PCLO: variants seen among roughly 807,000 people sequenced by gnomAD.
The protein encoded by PCLO is piccolo presynaptic cytomatrix protein.
In PCLO, 82 loss-of-function variants were observed where a neutral mutation model predicts 427.5. The observed-to-expected ratio is 0.19, with a 90% CI of 0.16 to 0.23. PCLO has a LOEUF of 0.23. Ranked by LOEUF, PCLO falls within the 10% of genes least tolerant of loss-of-function variation. The probability of loss-of-function intolerance (pLI) is 1.00; values close to 1 mark genes in which losing one functional copy is unlikely to be tolerated. For synonymous variants in PCLO, 2,357 were observed against 2,155.4 expected, an observed-to-expected ratio of 1.09 and a Z score of -2.59; for missense variants, 6,239 against 6,115.9, an observed-to-expected ratio of 1.02 and a Z score of -0.67.
rs561084267 is a variant in PCLO at position 83,024,166 on chromosome 7, G to A, written c.3301-57679C>T. Among the ~76,000 whole-genome samples, 73 of 152,336 alleles carry A rather than the reference G, an allele frequency of 4.8e-4. 1 individual carries two copies. Among genetic ancestry groups the A allele is most frequent in the African/African-American group, 1.7e-3 (70 of 41,594 alleles). On this transcript the variant is annotated intron_variant, in intron 3 of 24. Coordinates refer to ENST00000333891, the MANE Select transcript of PCLO (RefSeq NM_033026.6). ...CCAGCGTGAGCGACGCAGAAGACGG[G>A]TGATTTCTGCATTTCCATCTGAGGT... is the stretch of plus-strand genomic sequence containing the variant.
chr7:83,009,549 T>C (rs1242906196), intron 3 of PCLO, among the ~76,000 whole-genome samples: 1 of 151,902 alleles, frequency 6.6e-6, no homozygotes, highest in Non-Finnish European at 1.5e-5. Context: ...AAGTACATAA[T>C]GAAATCCTTT....
Position 82,949,695 on chromosome 7 carries a change from T to C in PCLO, c.10893A>G (p.Ser3631=). ...KVLYSPISPL[S]PGKALESAFV... Reference sequence around the variant, plus strand: ...AGGCTGATTCTAAGGCTTTGCCTGGTGAAAGTGGTGAGATGGGTGAGTAAA... The same window carrying C: ...AGGCTGATTCTAAGGCTTTGCCTGGCGAAAGTGGTGAGATGGGTGAGTAAA... Residue 3631 remains serine, a synonymous_variant, in exon 6 of 25, where the codon TCA becomes TCG. Transcript: ENST00000333891. 1 of 1,613,732 alleles carries C rather than the reference T, an allele frequency of 6.2e-7. No homozygotes were observed. Among genetic ancestry groups the C allele is most frequent in the Non-Finnish European group, 8.5e-7 (1 of 1,179,824 alleles).
intron 3 of PCLO, among the ~76,000 whole-genome samples, chr7:83,087,781 T>C (rs1210853904): frequency 6.6e-6 from 1 of 152,152 alleles, no homozygotes; most frequent in Non-Finnish European, 1.5e-5. Flanking sequence ...ATTGATTCTA[T>C]TAAATTATGT....
At position 83,134,570 on chromosome 7, in the gene PCLO, T is replaced by C; in HGVS notation, c.2980A>G (p.Ile994Val). Reference protein sequence around the residue: ...GQAPPAPAKSIPVKKETKAPA... With the variant: ...GQAPPAPAKSVPVKKETKAPA... ...GCTTTTGTTTCCTTTTTCACAGGTA[T>C]ACTTTTTGCAGGTGCTGGTGGTGCT... The change falls in exon 3 of 25, where the codon ATA becomes GTA. Residue 994 changes from isoleucine (I) to valine (V), a missense_variant. Around this residue, in one of 5 missense-constraint regions of PCLO, gnomAD observed 4,677 missense variants for 4,468.4 expected, o/e 1.05. Transcript: ENST00000333891. 1.2e-6 allele frequency: 2 copies of C among 1,613,940 alleles called. No individual in the cohort carries two copies. Among genetic ancestry groups the C allele is most frequent in the South Asian group, 1.1e-5 (1 of 91,074 alleles).
At chr7:83,029,671 C>T (rs372906724) in intron 3 of PCLO, among the ~76,000 whole-genome samples, 6 of 120,764 alleles carry the variant, frequency 5.0e-5, no homozygotes, top group Middle Eastern at 3.8e-3. Context: ...CGTATGTTTA[C>T]TGCGGCATTA....
chr7:82,899,729 T>C (rs1315116328), intron 9 of PCLO, among the ~76,000 whole-genome samples: 2 of 151,608 alleles, frequency 1.3e-5, no homozygotes, highest in African/African-American at 2.4e-5. Flanking sequence ...GAATATTTAC[T>C]AAAGAGCTGG....
rs1194743895 is a variant in PCLO, at chr7:83,154,830, T to C, written c.1811A>G (p.Lys604Arg). The C allele has an allele frequency of 6.2e-7, 1 of 1,613,934 alleles. No homozygotes were observed. The change falls in exon 2 of 25, where the codon AAG (lysine) becomes AGG (arginine). Residue 604 changes from lysine to arginine, a missense_variant. Coordinates refer to ENST00000333891, the MANE Select transcript of PCLO (RefSeq NM_033026.6). ...CTCAGTGCATGTGTTAAAATTGGCC[T>C]TTTCTGGAACATGCAACAGAAGTTC... is the stretch of plus-strand genomic sequence containing the variant. ...TTELLLHVPE[K>R]ANFNTCTECQ...
At chr7:83,084,700 T>C (rs967539495) in intron 3 of PCLO, among the ~76,000 whole-genome samples, 6 of 152,220 alleles carry the variant, frequency 3.9e-5, no homozygotes, top group Non-Finnish European at 7.3e-5. Context: ...TCTTCCTCTC[T>C]GTCTCTCAAA....
intron 22 of PCLO, among the ~76,000 whole-genome samples, chr7:82,779,939 A>C (rs1790837237): frequency 6.6e-6 from 1 of 152,164 alleles, no homozygotes; most frequent in Admixed American, 6.5e-5. Context: ...GGGTTCTTGC[A>C]AAGATGAAAT....
intron 9 of PCLO, among the ~76,000 whole-genome samples, chr7:82,895,492 T>C (rs969763169): frequency 3.3e-5 from 5 of 151,392 alleles, no homozygotes; most frequent in Admixed American, 1.3e-4. Flanking sequence ...ATCAATAAAA[T>C]AGAAAACAAA....
Position 82,809,601 on chromosome 7 carries a change from G to GTAATAATAATAATAA in PCLO, c.14792-3787_14792-3773dup, listed in dbSNP as rs61674452. 6.0e-3 allele frequency among the ~76,000 whole-genome samples: 901 copies of GTAATAATAATAATAA among 149,286 alleles called. 7 individuals are homozygous for GTAATAATAATAATAA. The highest frequency in any genetic ancestry group is 0.013 in the African/African-American group (531 of 41,108). On this transcript the variant is annotated intron_variant, in intron 20 of 24. Transcript: ENST00000333891. Reference sequence around the variant, plus strand: ...TGTTTGAACAATATTTAATGAATAAGTAATAATAATAATAATACATTAATA... The same window carrying GTAATAATAATAATAA: ...TGTTTGAACAATATTTAATGAATAAGTAATAATAATAATAATAATAATAATAATAATACATTAATA...
chr7:83,047,159 A>G (rs545264432), intron 3 of PCLO, among the ~76,000 whole-genome samples: 1 of 152,150 alleles, frequency 6.6e-6, no homozygotes, highest in East Asian at 1.9e-4. Context: ...ATTTGTTTAC[A>G]CTTTTTGACA....
chr7:82,881,899 T>C (rs534083279), intron 9 of PCLO, among the ~76,000 whole-genome samples: 23 of 152,204 alleles, frequency 1.5e-4, no homozygotes, highest in Non-Finnish European at 2.4e-4. Context: ...TGCCTCAGCC[T>C]TCCAAAAGTT....
intron 3 of PCLO, among the ~76,000 whole-genome samples, chr7:83,051,780 C>A (rs1383883650): frequency 6.6e-6 from 1 of 152,100 alleles, no homozygotes; most frequent in African/African-American, 2.4e-5. Flanking sequence ...AGTTGAAGGG[C>A]TGTCACGACA....
chr7:83,145,377 A>T (rs1288412333), intron 2 of PCLO, among the ~76,000 whole-genome samples: 1 of 152,154 alleles, frequency 6.6e-6, no homozygotes, highest in Non-Finnish European at 1.5e-5. Context: ...AAGAACGTTA[A>T]TTTCTTTTTA....
chr7:82,767,540 A>T (rs1047674059), intron 22 of PCLO, among the ~76,000 whole-genome samples: 5 of 152,142 alleles, frequency 3.3e-5, no homozygotes, highest in African/African-American at 2.4e-5. Context: ...AGAAATTAAG[A>T]TTATTGACAT....
At chr7:83,047,048 C>T (rs1428400714) in intron 3 of PCLO, among the ~76,000 whole-genome samples, 2 of 151,978 alleles carry the variant, frequency 1.3e-5, no homozygotes, top group African/African-American at 4.8e-5. Flanking sequence ...TAACACTCTA[C>T]TATGAATATA....
At chr7:83,086,174 A>G (rs547198823) in intron 3 of PCLO, among the ~76,000 whole-genome samples, 2,858 of 115,998 alleles carry the variant, frequency 0.025, 52 homozygotes, top group Middle Eastern at 0.09. Context: ...CAATGGCGCA[A>G]TGGTTGGCTC....
At position 82,952,737 on chromosome 7, in the gene PCLO, T is replaced by C; in HGVS notation, c.8216A>G (p.Lys2739Arg). 6.2e-7 allele frequency: 1 copy of C among 1,613,702 alleles called. No homozygotes were observed. The highest frequency in any genetic ancestry group is 8.5e-7 in the Non-Finnish European group (1 of 1,179,714). ...DLRTVPKVEVKTTDKCIDLSA... is the reference protein window; with the variant it reads ...DLRTVPKVEVRTTDKCIDLSA... ...AAGATCAATACATTTATCAGTTGTT[T>C]TAACTTCTACCTTTGGTACTGTACG... Residue 2739 changes from lysine (K) to arginine (R), a missense_variant, in exon 5 of 25, where the codon AAA becomes AGA. Lys to Arg is a conservative substitution (Grantham distance 26, BLOSUM62 2). Around this residue, in one of 5 missense-constraint regions of PCLO, gnomAD observed 4,677 missense variants for 4,468.4 expected, o/e 1.05. Transcript: ENST00000333891.
Sources: gnomAD v4.1 joint callset for allele counts (sites outside exome capture counted in the v4.1 genomes callset) on GRCh38, gnomAD v4.1.1 for gene constraint, gnomAD v4.1.1 regional missense constraint, MANE v1.5 for transcripts, NCBI Gene and HGNC (gene_info 2026-07-23, HGNC 2026-07-21) for gene names.